KDM5A: variants seen among roughly 807,000 people sequenced by gnomAD.
KDM5A encodes lysine-specific demethylase 5A.
KDM5A carries 42 observed loss-of-function variants against 193.5 expected under a neutral mutation model. The ratio of observed to expected loss-of-function variants is 0.22; its 90% confidence interval spans 0.17 to 0.28. The LOEUF is 0.28. Ranked by LOEUF, KDM5A falls within the 10% of genes least tolerant of loss-of-function variation. The pLI is 1.00. For missense variants in KDM5A, 1,692 were observed against 2,055.1 expected, an observed-to-expected ratio of 0.82 and a Z score of 3.42; for synonymous variants, 796 against 718.1, an observed-to-expected ratio of 1.11 and a Z score of -1.73.
intron 4 of KDM5A, among the ~76,000 whole-genome samples, chr12:364,448 G>C (rs2137468871): frequency 6.6e-6 from 1 of 151,038 alleles, no homozygotes. Flanking sequence ...CTGCACTCCA[G>C]CCTGGGCGAC....
intron 13 of KDM5A, among the ~76,000 whole-genome samples, chr12:331,244 C>A (rs1050079834): frequency 6.6e-6 from 1 of 152,064 alleles, no homozygotes; most frequent in Non-Finnish European, 1.5e-5. Context: ...TTAATAAGTC[C>A]CAAAATGCTC....
chr12:363,646 A>T (rs979521939), intron 4 of KDM5A, among the ~76,000 whole-genome samples: 1 of 152,212 alleles, frequency 6.6e-6, no homozygotes, highest in Non-Finnish European at 1.5e-5. Flanking sequence ...TGCATCACTG[A>T]CCAAAATATA....
In KDM5A at chr12:316,303, A is replaced by C. The variant is rs530750533; in HGVS notation, c.2897+1803T>G. ...ATTTATTTCTCTCTCTCTCTCTACT[A>C]GAACGGTAGCTCCATGAAAGCAGAG... On this transcript the variant is annotated intron_variant, in intron 19 of 27. Transcript: ENST00000399788. 2.0e-5 allele frequency among the ~76,000 whole-genome samples: 3 copies of C among 152,328 alleles called. No individual in the cohort carries two copies. The East Asian group carries it at 5.8e-4, about 29-fold the overall frequency.
chr12:349,330 C>CT (rs749540223), intron 10 of KDM5A, among the ~76,000 whole-genome samples: 34,129 of 117,648 alleles, frequency 0.29, 5,941 homozygotes, highest in East Asian at 0.56. Flanking sequence ...ATCTTCTAGA[C>CT]TTTTTTTTTT....
chr12:354,906 C>T (rs910369488), intron 7 of KDM5A, among the ~76,000 whole-genome samples: 2 of 152,146 alleles, frequency 1.3e-5, no homozygotes, highest in African/African-American at 2.4e-5. Flanking sequence ...TAGAACTCAA[C>T]GACTTACACA....
At chr12:311,351 C>G (rs1943584463) in intron 20 of KDM5A, 1 of 404,456 alleles carries the variant, frequency 2.5e-6, no homozygotes, top group Non-Finnish European at 4.6e-6. Flanking sequence ...CATATATAAA[C>G]ACAGTTAGCA....
chr12:370,750 T>A (rs1219092224), intron 3 of KDM5A, among the ~76,000 whole-genome samples: 3 of 152,238 alleles, frequency 2.0e-5, no homozygotes, highest in Non-Finnish European at 4.4e-5. Context: ...TATCTCCTAA[T>A]GCTATCCCTC....
At position 313,046 on chromosome 12, in the gene KDM5A, G is replaced by A; in HGVS notation, c.3036+10C>T. On this transcript the variant is annotated intron_variant, in intron 20 of 27. Coordinates refer to ENST00000399788, the MANE Select transcript of KDM5A (RefSeq NM_001042603.3). ...ACCTGATAGGTGGGATAATCCAAAA[G>A]TCTTCTTACCTGAATAGCTTCCACT... The A allele has an allele frequency of 6.2e-7, 1 of 1,614,006 alleles. No homozygotes were observed. The highest frequency in any genetic ancestry group is 8.5e-7 in the Non-Finnish European group (1 of 1,179,884).
In KDM5A at chr12:284,112, T is replaced by C. The variant is rs979166135; in HGVS notation, c.*1344A>G. The stretch of plus-strand genomic sequence containing the variant: ...AGGAGGGAGTGCTAACTCCTTGTAC[T>C]ACAAAGAAGGAATGGGATTTTTTTT... On this transcript the variant is annotated 3_prime_UTR_variant, in exon 28 of 28. Transcript: ENST00000399788. 1 of 230,474 alleles carries C rather than the reference T, an allele frequency of 4.3e-6. No homozygotes were observed. Among genetic ancestry groups the C allele is most frequent in the Non-Finnish European group, 8.6e-6 (1 of 116,902 alleles). 14.3% of individuals were successfully genotyped at this position (230,474 alleles called of 1,614,324 possible).
intron 27 of KDM5A, among the ~76,000 whole-genome samples, chr12:289,748 A>C (rs1591895173): frequency 6.6e-6 from 1 of 150,632 alleles, no homozygotes; most frequent in South Asian, 2.1e-4. Context: ...TAATCTGCAT[A>C]TTTTGGGGGA....
chr12:292,616 T>C lies in KDM5A; in HGVS notation c.4866+143A>G, dbSNP rs575855381. ...CTAAGAGCCTCATTATTCAAAACAG[T>C]TTATAGAAATTGTACAAAAGACATT... On this transcript the variant is annotated intron_variant, in intron 27 of 27. Coordinates refer to ENST00000399788, the MANE Select transcript of KDM5A (RefSeq NM_001042603.3). 4.9e-6 allele frequency: 5 copies of C among 1,010,316 alleles called. No homozygotes were observed. In the Admixed American group the frequency reaches 8.0e-5, roughly 16 times the overall value. The allele number at this position is 1,010,316 out of a possible 1,614,324, so 62.6% of individuals were successfully genotyped here. A position where few individuals can be genotyped will look rare whatever the true frequency, so the allele number is the denominator to read the frequency against.
chr12:329,067 A>G (rs1943830132), intron 13 of KDM5A, 38 bp from the exon 14 acceptor site: 1 of 1,570,734 alleles, frequency 6.4e-7, no homozygotes. Context: ...ACTCGCTTAT[A>G]ACATATCCCA....
In KDM5A at chr12:372,422, G is replaced by A. The variant is rs529860090; in HGVS notation, c.367-6318C>T. Among the ~76,000 whole-genome samples, 543 of 152,302 alleles carry A rather than the reference G, an allele frequency of 3.6e-3. 2 individuals are homozygous for A. Among genetic ancestry groups the A allele is most frequent in the Non-Finnish European group, 6.7e-3 (454 of 68,018 alleles). ...GTTATTGGTGTATAAGAATGCTTGT[G>A]ATTTTTGCACATTGATTTTGTATCC... On this transcript the variant is annotated intron_variant, in intron 3 of 27. Coordinates refer to ENST00000399788, the MANE Select transcript of KDM5A (RefSeq NM_001042603.3).
intron 3 of KDM5A, among the ~76,000 whole-genome samples, chr12:377,283 TAA>T (rs1489864242): frequency 6.6e-6 from 1 of 151,384 alleles, no homozygotes; most frequent in East Asian, 1.9e-4. Flanking sequence ...ATCTAACTAA[TAA>T]AGAGTCAAAA....
In KDM5A at chr12:307,304, T is replaced by G; in HGVS notation, c.3930+150A>C. On this transcript the variant is annotated intron_variant, in intron 23 of 27. Transcript: ENST00000399788. This position sits in a 1 kb window ranked among gnomAD's most constrained non-coding sequence, Gnocchi z 4.3. Reference sequence around the variant, plus strand: ...TCACTAAGTACGTATCCAAAAAAAGTGCTATAGTGTATGTTGAAGGAGAAT... The same window carrying G: ...TCACTAAGTACGTATCCAAAAAAAGGGCTATAGTGTATGTTGAAGGAGAAT... The G allele has an allele frequency of 1.0e-6, 1 of 980,852 alleles. No individual in the cohort carries two copies. The highest frequency in any genetic ancestry group is 1.6e-6 in the Non-Finnish European group (1 of 637,614). 60.8% of individuals were successfully genotyped at this position (980,852 alleles called of 1,614,324 possible). A position where few individuals can be genotyped will look rare whatever the true frequency, so the allele number is the denominator to read the frequency against.
rs1944142527 is a variant in KDM5A at position 350,482 on chromosome 12, C to T, written c.1308+139G>A. The T allele has an allele frequency of 1.7e-5, 13 of 785,184 alleles. No homozygotes were observed. The East Asian group carries it at 2.5e-4, about 15-fold the overall frequency. The allele number at this position is 785,184 out of a possible 1,614,324, so 48.6% of individuals were successfully genotyped here. On this transcript the variant is annotated intron_variant, in intron 10 of 27. Transcript: ENST00000399788. Reference sequence around the variant, plus strand: ...ATTTTTCAAAGTATTCTGAATTCTTCGTTTTCAAAACTGAAGATTATTTAT... The same window carrying T: ...ATTTTTCAAAGTATTCTGAATTCTTTGTTTTCAAAACTGAAGATTATTTAT...
At chr12:345,127 T>C (rs570968440) in intron 10 of KDM5A, among the ~76,000 whole-genome samples, 7 of 151,072 alleles carry the variant, frequency 4.6e-5, no homozygotes, top group African/African-American at 1.7e-4. Flanking sequence ...TCCCAGTCTC[T>C]GATAAAACAG....
At position 389,185 on chromosome 12, in the gene KDM5A, G is replaced by A. The variant is rs763414555; in HGVS notation, c.-94C>T. Reference sequence around the variant, plus strand: ...AAGCCCGTTCAAGTCCCCTGACAGAGGCCGAAGCGCATCTTCGCGGACAAG... The same window carrying A: ...AAGCCCGTTCAAGTCCCCTGACAGAAGCCGAAGCGCATCTTCGCGGACAAG... On this transcript the variant is annotated 5_prime_UTR_variant, in exon 1 of 28. Coordinates refer to ENST00000399788, the MANE Select transcript of KDM5A (RefSeq NM_001042603.3). 3 of 1,177,148 alleles carry A rather than the reference G, an allele frequency of 2.5e-6. No individual in the cohort carries two copies. The highest frequency in any genetic ancestry group is 3.8e-6 in the Non-Finnish European group (3 of 784,392). The allele number at this position is 1,177,148 out of a possible 1,614,324, so 72.9% of individuals were successfully genotyped here.
chr12:326,705 C>CA (rs1943790122), intron 14 of KDM5A, among the ~76,000 whole-genome samples: 1 of 151,574 alleles, frequency 6.6e-6, no homozygotes, highest in Non-Finnish European at 1.5e-5. Context: ...ACTAAAAATA[C>CA]AAAAAATTAG....
Sources: gnomAD v4.1 joint callset for allele counts (sites outside exome capture counted in the v4.1 genomes callset) on GRCh38, gnomAD v4.1.1 for gene constraint, Gnocchi (gnomAD v3.1) non-coding constraint, MANE v1.5 for transcripts, NCBI Gene and HGNC (gene_info 2026-07-23, HGNC 2026-07-21) for gene names.